The following KIF26B variants were observed in gnomAD, a reference collection of about 807,000 sequenced individuals.
KIF26B encodes the protein kinesin family member 26B.
A neutral mutation model predicts 151.2 loss-of-function variants in KIF26B; 63 were observed. The observed-to-expected ratio is 0.42, with a 90% CI of 0.34 to 0.51. The LOEUF is 0.51. Ranked by LOEUF, KIF26B falls within the 20% of genes least tolerant of loss-of-function variation. The probability of loss-of-function intolerance (pLI) is 0.07; values close to 1 mark genes in which losing one functional copy is unlikely to be tolerated. For synonymous variants in KIF26B, 1,357 were observed against 1,262.1 expected (o/e 1.08, Z -1.59); for missense variants, 2,813 against 2,913.6 (o/e 0.97, Z 0.79).
chr1:245,516,548 A>G lies in KIF26B; in HGVS notation c.1167-24219A>G, dbSNP rs913486146. Among the ~76,000 whole-genome samples the G allele has an allele frequency of 6.6e-6, 1 of 151,992 alleles. No homozygotes were observed. The stretch of plus-strand genomic sequence containing the variant: ...TTATTCGCCTCTTCAGATCCAGCCC[A>G]GGAGTTGGTGCAGACTCATTTTTCA... On this transcript the variant is annotated intron_variant, in intron 4 of 14. Transcript: ENST00000407071. This position sits in a 1 kb window ranked among gnomAD's most constrained non-coding sequence, Gnocchi z 4.2.
intron 2 of KIF26B, among the ~76,000 whole-genome samples, chr1:245,332,805 A>T (rs765385945): frequency 2.0e-5 from 3 of 152,052 alleles, no homozygotes; most frequent in Admixed American, 6.6e-5. Flanking sequence ...TGTGGCTTTT[A>T]TGTCATCTCA....
At chr1:245,505,505 C>T (rs1660714284) in intron 4 of KIF26B, among the ~76,000 whole-genome samples, 1 of 152,114 alleles carries the variant, frequency 6.6e-6, no homozygotes, top group African/African-American at 2.4e-5. Context: ...CTGCCTCAGC[C>T]TCCCAAGTAG....
chr1:245,618,729 G>T (rs2043621712), intron 9 of KIF26B, among the ~76,000 whole-genome samples: 1 of 135,920 alleles, frequency 7.4e-6, no homozygotes, highest in South Asian at 2.5e-4. Flanking sequence ...GCTACGTGCT[G>T]TTGGTGAGCT....
intron 2 of KIF26B, among the ~76,000 whole-genome samples, chr1:245,217,456 T>C (rs977520121): frequency 6.6e-6 from 1 of 151,110 alleles, no homozygotes; most frequent in African/African-American, 2.4e-5. Flanking sequence ...CCTCCGCTGC[T>C]GGGGTTCAAG....
Position 245,688,492 on chromosome 1 carries a change from G to T in KIF26B, c.5509G>T (p.Ala1837Ser), listed in dbSNP as rs1240634981. Residue 1837 changes from alanine to serine, a missense_variant, in exon 12 of 15, where the codon GCC (alanine) becomes TCC (serine). Around this residue, in one of 3 missense-constraint regions of KIF26B, gnomAD observed 2,060 missense variants for 2,088.6 expected, o/e 0.99. Transcript: ENST00000407071. ...PEAEARGGAL[A>S]EDEPAAAHLL... ...GGCGGAGGCGCGCGGGGGGGCCCTG[G>T]CCGAGGACGAGCCCGCGGCCGCGCA... 1.4e-6 allele frequency: 2 copies of T among 1,460,500 alleles called. No individual in the cohort carries two copies. The highest frequency in any genetic ancestry group is 9.0e-7 in the Non-Finnish European group (1 of 1,114,292). The allele number at this position is 1,460,500 out of a possible 1,614,324, so 90.5% of individuals were successfully genotyped here. A position where few individuals can be genotyped will look rare whatever the true frequency, so the allele number is the denominator to read the frequency against.
intron 9 of KIF26B, chr1:245,615,055 T>G: frequency 6.6e-6 from 1 of 152,272 alleles, no homozygotes; most frequent in African/African-American, 2.4e-5. Context: ...TCCACATTTC[T>G]CCTGACTGTG....
chr1:245,664,129 G>A (rs1455757018), intron 10 of KIF26B, among the ~76,000 whole-genome samples: 1 of 152,238 alleles, frequency 6.6e-6, no homozygotes, highest in East Asian at 1.9e-4. Context: ...AGCATTTTAG[G>A]AGGCCGAGGC....
rs115076799 is a variant in KIF26B at position 245,237,534 on chromosome 1, G to A, written c.465+80851G>A. ...TTAGCAAAACCGTACCCTGGTGGAT[G>A]GTGATGCTGCAGCCGGGGCCCAGGG... On this transcript the variant is annotated intron_variant, in intron 2 of 14. Coordinates refer to ENST00000407071, the MANE Select transcript of KIF26B (RefSeq NM_018012.4). 6.3e-3 allele frequency among the ~76,000 whole-genome samples: 953 copies of A among 152,258 alleles called. 14 individuals carry two copies. The highest frequency in any genetic ancestry group is 0.021 in the African/African-American group (877 of 41,538).
chr1:245,619,942 A>G (rs946666910), intron 9 of KIF26B, among the ~76,000 whole-genome samples: 2 of 151,690 alleles, frequency 1.3e-5, no homozygotes, highest in African/African-American at 4.8e-5. Context: ...TAAAATAAAA[A>G]TTAATCTCTG....
At position 245,702,479 on chromosome 1, in the gene KIF26B, A is replaced by T; in HGVS notation, c.6200A>T (p.Glu2067Val). The change falls in exon 15 of 15, where the codon GAG becomes GTG. Residue 2067 changes from glutamate to valine, a missense_variant. By Grantham distance (121) the Glu-to-Val change is moderately radical. Coordinates refer to ENST00000407071, the MANE Select transcript of KIF26B (RefSeq NM_018012.4). The surrounding 1 kb of genome is among the most constrained non-coding windows in gnomAD (Gnocchi z 4.1). ...LSEFDLEQVWELDSLEYLEAL... is the reference protein window; with the variant it reads ...LSEFDLEQVWVLDSLEYLEAL... Reference sequence around the variant, plus strand: ...GCAGTTGACTTGGAGCAGGTTTGGGAGCTGGATTCCCTGGAGTACCTGGAG... The same window carrying T: ...GCAGTTGACTTGGAGCAGGTTTGGGTGCTGGATTCCCTGGAGTACCTGGAG... 1.2e-6 allele frequency: 2 copies of T among 1,613,768 alleles called. No individual in the cohort carries two copies. The highest frequency in any genetic ancestry group is 1.7e-6 in the Non-Finnish European group (2 of 1,179,832).
intron 2 of KIF26B, among the ~76,000 whole-genome samples, chr1:245,265,031 C>G (rs1392069333): frequency 1.3e-5 from 2 of 151,354 alleles, no homozygotes; most frequent in Non-Finnish European, 2.9e-5. Context: ...AACCCCGTCT[C>G]TACTAAAAAT....
chr1:245,422,840 T>C (rs2103037608), intron 4 of KIF26B, among the ~76,000 whole-genome samples: 1 of 152,278 alleles, frequency 6.6e-6, no homozygotes, highest in Non-Finnish European at 1.5e-5. Flanking sequence ...GGCTCACGCC[T>C]GTAATCCCAG....
At chr1:245,184,020 C>T (rs1668950802) in intron 2 of KIF26B, among the ~76,000 whole-genome samples, 1 of 89,990 alleles carries the variant, frequency 1.1e-5, no homozygotes, top group South Asian at 3.6e-4. Flanking sequence ...GACCCCTAAC[C>T]TCCTGCAACA....
At chr1:245,294,314 C>A (rs946473894) in intron 2 of KIF26B, among the ~76,000 whole-genome samples, 3 of 152,184 alleles carry the variant, frequency 2.0e-5, no homozygotes, top group African/African-American at 7.2e-5. Context: ...GTTCTCAAGG[C>A]AAGAAGCAAA....
chr1:245,438,877 G>A (rs976000420), intron 4 of KIF26B, among the ~76,000 whole-genome samples: 1 of 152,176 alleles, frequency 6.6e-6, no homozygotes, highest in Admixed American at 6.5e-5. Context: ...AAGCATATCA[G>A]TGGTTGATGG....
At position 245,156,305 on chromosome 1, in the gene KIF26B, C is replaced by G. The variant is rs977678048; in HGVS notation, c.87C>G (p.Thr29=). ...KYGVNEVCSP[T]KPAAPFSPES... ...AGGTGAATGAAGTCTGCTCGCCCAC[C>G]AAGCCCGCAGCGCCCTTCTCCCCGG... Residue 29 remains threonine (T), a synonymous_variant, in exon 2 of 15, where the codon ACC becomes ACG. Transcript: ENST00000407071. 3.2e-6 allele frequency: 5 copies of G among 1,547,402 alleles called. No individual in the cohort carries two copies. In the African/African-American group the frequency reaches 6.9e-5, roughly 21 times the overall value.
At chr1:245,474,374 C>T (rs562943658) in intron 4 of KIF26B, among the ~76,000 whole-genome samples, 21 of 150,962 alleles carry the variant, frequency 1.4e-4, no homozygotes, top group African/African-American at 4.6e-4. Context: ...TCCCAAAGTG[C>T]TGGGATTACA....
intron 4 of KIF26B, among the ~76,000 whole-genome samples, chr1:245,449,628 C>T (rs899886983): frequency 2.0e-5 from 3 of 152,148 alleles, no homozygotes; most frequent in African/African-American, 7.2e-5. Context: ...TCACCAAACA[C>T]CTGGCTAGCC....
Position 245,154,990 on chromosome 1 carries a change from C to T in KIF26B, c.-435C>T. On this transcript the variant is annotated 5_prime_UTR_variant, in exon 1 of 15. Coordinates refer to ENST00000407071, the MANE Select transcript of KIF26B (RefSeq NM_018012.4). ...GGGAGAATTTCTTTGAACTCAGTTA[C>T]CAAGCTCGGTGAAGGAGACAAGTTC... 2.4e-6 allele frequency: 1 copy of T among 413,000 alleles called. No individual in the cohort carries two copies. Among genetic ancestry groups the T allele is most frequent in the Non-Finnish European group, 4.2e-6 (1 of 236,896 alleles). The allele number at this position is 413,000 out of a possible 1,614,324, so 25.6% of individuals were successfully genotyped here.
Sources: allele counts gnomAD v4.1 joint callset (sites outside exome capture counted in the v4.1 genomes callset), GRCh38; gene constraint gnomAD v4.1.1; regional missense constraint gnomAD v4.1.1; non-coding constraint Gnocchi (gnomAD v3.1); transcripts MANE v1.5; gene names NCBI Gene and HGNC (gene_info 2026-07-23, HGNC 2026-07-21).